LRRTM4: variants seen among roughly 807,000 people sequenced by gnomAD.
LRRTM4 encodes leucine-rich repeat transmembrane neuronal protein 4.
A neutral mutation model predicts 47.6 loss-of-function variants in LRRTM4; 25 were observed. That is an observed-to-expected ratio of 0.53 (90% CI 0.38 to 0.73). The LOEUF (loss-of-function observed/expected upper bound fraction) is 0.73, where lower values mean the gene tolerates loss of function less well. Ranked by LOEUF, LRRTM4 falls within the 30% of genes least tolerant of loss-of-function variation. The pLI is 0.00. For synonymous variants in LRRTM4, 311 were observed against 269.5 expected, an observed-to-expected ratio of 1.15 and a Z score of -1.51; for missense variants, 638 against 713.4, an observed-to-expected ratio of 0.89 and a Z score of 1.20.
At chr2:77,198,317 C>T (rs1673883910) in intron 3 of LRRTM4, among the ~76,000 whole-genome samples, 1 of 152,186 alleles carries the variant, frequency 6.6e-6, no homozygotes, top group Admixed American at 6.5e-5. Context: ...CCCAAATCAT[C>T]ACAGTAGGGC....
At chr2:76,943,501 T>C (rs1446706626) in intron 3 of LRRTM4, among the ~76,000 whole-genome samples, 1 of 152,184 alleles carries the variant, frequency 6.6e-6, no homozygotes, top group Non-Finnish European at 1.5e-5. Flanking sequence ...TGTTTGAGCA[T>C]CACTTAAAAG....
intron 3 of LRRTM4, among the ~76,000 whole-genome samples, chr2:76,999,449 C>CA (rs35918882): frequency 0.087 from 12,283 of 140,446 alleles, 811 homozygotes; most frequent in East Asian, 0.38. Context: ...GGAAACAAAA[C>CA]AAAAAAAAAA....
intron 3 of LRRTM4, among the ~76,000 whole-genome samples, chr2:76,887,887 A>C (rs1275058698): frequency 6.6e-6 from 1 of 151,148 alleles, no homozygotes; most frequent in Non-Finnish European, 1.5e-5. Flanking sequence ...GATAATGCCT[A>C]AATTATCAAG....
chr2:77,090,337 C>T (rs574794974), intron 3 of LRRTM4, among the ~76,000 whole-genome samples: 1 of 152,252 alleles, frequency 6.6e-6, no homozygotes, highest in Admixed American at 6.5e-5. Context: ...ACTCGTTTGA[C>T]AGCAACCCTG....
In LRRTM4 at chr2:77,214,018, G is replaced by C. The variant is rs777082438; in HGVS notation, c.1551+304300C>G. 2.0e-5 allele frequency among the ~76,000 whole-genome samples: 3 copies of C among 152,018 alleles called. No individual in the cohort carries two copies. The South Asian group carries it at 6.2e-4, about 32-fold the overall frequency. ...GCCCTAGAAGAAACTGAAATATTAG[G>C]GACTCACAGTTCTCCTGTGGAATGA... On this transcript the variant is annotated intron_variant, in intron 3 of 3. Coordinates refer to ENST00000409884, the MANE Select transcript of LRRTM4 (RefSeq NM_001134745.3).
chr2:76,909,474 A>C (rs893226853), intron 3 of LRRTM4, among the ~76,000 whole-genome samples: 11 of 151,970 alleles, frequency 7.2e-5, no homozygotes, highest in African/African-American at 2.4e-4. Context: ...CAATGGCAAC[A>C]AAAGACAAAA....
At chr2:77,113,225 C>G (rs1348257741) in intron 3 of LRRTM4, among the ~76,000 whole-genome samples, 1 of 152,062 alleles carries the variant, frequency 6.6e-6, no homozygotes, top group African/African-American at 2.4e-5. Flanking sequence ...CCTCCTCTGA[C>G]CACCAGGTAC....
chr2:77,120,290 T>C (rs1209887842), intron 3 of LRRTM4, among the ~76,000 whole-genome samples: 2 of 151,818 alleles, frequency 1.3e-5, no homozygotes, highest in African/African-American at 4.8e-5. Context: ...TCCACGTGAT[T>C]CTTCAAGTTT....
chr2:77,029,075 T>C (rs115149517), intron 3 of LRRTM4, among the ~76,000 whole-genome samples: 17,892 of 145,668 alleles, frequency 0.12, 1,394 homozygotes, highest in Admixed American at 0.19. Context: ...ATATATAATA[T>C]ATATATATTA....
chr2:76,775,540 T>A (rs1673931729), intron 3 of LRRTM4, among the ~76,000 whole-genome samples: 1 of 152,020 alleles, frequency 6.6e-6, no homozygotes. Context: ...AGAATCAATT[T>A]AAAAAAAGAG....
At chr2:76,830,539 T>TGTGTGTGC (rs1671320068) in intron 3 of LRRTM4, among the ~76,000 whole-genome samples, 1 of 151,144 alleles carries the variant, frequency 6.6e-6, no homozygotes, top group Non-Finnish European at 1.5e-5. Context: ...TGTGTGTGTG[T>TGTGTGTGC]GTGTGTGTTT....
intron 3 of LRRTM4, among the ~76,000 whole-genome samples, chr2:77,326,997 TGCAGGAAAGGTTGTGGGCAAAAG>T (rs1239866362): frequency 2.0e-5 from 3 of 152,208 alleles, no homozygotes; most frequent in Non-Finnish European, 4.4e-5. Context: ...CTGTTTCTGC[TGCAGGAAAGGTTGTGGGCAAAAG>T]GATGTTTGTT....
At chr2:77,264,023 T>C (rs1323277857) in intron 3 of LRRTM4, among the ~76,000 whole-genome samples, 2 of 151,978 alleles carry the variant, frequency 1.3e-5, no homozygotes, top group African/African-American at 2.4e-5. Context: ...TTTTTTTTAA[T>C]AGAATTTTAT....
At position 77,518,091 on chromosome 2, in the gene LRRTM4, C is replaced by T. The variant is rs558421139; in HGVS notation, c.1551+227G>A. The T allele has an allele frequency of 1.1e-4, 142 of 1,271,726 alleles. 2 individuals are homozygous for T. The African/African-American group carries it at 2.0e-3, about 18-fold the overall frequency. The allele number at this position is 1,271,726 out of a possible 1,614,324, so 78.8% of individuals were successfully genotyped here. On this transcript the variant is annotated intron_variant, in intron 3 of 3. Transcript: ENST00000409884. ...GTTTTAACATAGTGCTTTATTCCAA[C>T]TTATCCTTGAATGAACTTCCTTCAA...
chr2:77,113,212 G>T (rs113845437), intron 3 of LRRTM4, among the ~76,000 whole-genome samples: 1 of 152,030 alleles, frequency 6.6e-6, no homozygotes, highest in East Asian at 1.9e-4. Context: ...GCCTGCAGAC[G>T]GGCCTCCTCT....
chr2:77,387,420 C>T (rs1484005153), intron 3 of LRRTM4, among the ~76,000 whole-genome samples: 2 of 152,118 alleles, frequency 1.3e-5, no homozygotes, highest in Admixed American at 6.5e-5. Flanking sequence ...ACCAGTATGT[C>T]TCCCTCTGTG....
At chr2:77,505,299 C>T (rs970743455) in intron 3 of LRRTM4, among the ~76,000 whole-genome samples, 1 of 151,026 alleles carries the variant, frequency 6.6e-6, no homozygotes, top group African/African-American at 2.4e-5. Flanking sequence ...GCTAAAAATT[C>T]ATTTGGTAAA....
intron 3 of LRRTM4, among the ~76,000 whole-genome samples, chr2:77,126,954 G>C (rs1671666263): frequency 1.3e-5 from 2 of 152,094 alleles, no homozygotes; most frequent in Non-Finnish European, 2.9e-5. Flanking sequence ...ATTTGTGAAA[G>C]GTCCTGGAAT....
Position 77,207,383 on chromosome 2 carries a change from A to C in LRRTM4, c.1551+310935T>G, listed in dbSNP as rs1051762350. Among the ~76,000 whole-genome samples, 17 of 146,736 alleles carry C rather than the reference A, an allele frequency of 1.2e-4. No homozygotes were observed. In the South Asian group the frequency reaches 2.8e-3, roughly 24 times the overall value. Reference sequence around the variant, plus strand: ...TATATATATATATATACACACACACATATTTATATACACATATATATTTCT... The same window carrying C: ...TATATATATATATATACACACACACCTATTTATATACACATATATATTTCT... On this transcript the variant is annotated intron_variant, in intron 3 of 3. Transcript: ENST00000409884.
Sources: gnomAD v4.1 joint callset for allele counts (sites outside exome capture counted in the v4.1 genomes callset) on GRCh38, gnomAD v4.1.1 for gene constraint, MANE v1.5 for transcripts, NCBI Gene and HGNC (gene_info 2026-07-23, HGNC 2026-07-21) for gene names.